The following KDM5A variants were observed in gnomAD, a reference collection of about 807,000 sequenced individuals.
KDM5A encodes lysine demethylase 5A.
KDM5A carries 42 observed loss-of-function variants against 193.5 expected under a neutral mutation model. The ratio of observed to expected loss-of-function variants is 0.22; its 90% confidence interval spans 0.17 to 0.28. The LOEUF (loss-of-function observed/expected upper bound fraction) is 0.28. Ranked by LOEUF, KDM5A falls within the 10% of genes least tolerant of loss-of-function variation. The pLI is 1.00. For missense variants in KDM5A, 1,692 were observed against 2,055.1 expected (o/e 0.82, Z 3.42); for synonymous variants, 796 against 718.1 (o/e 1.11, Z -1.73).
chr12:389,232 C>T lies in KDM5A; in HGVS notation c.-141G>A. 2 of 831,558 alleles carry T rather than the reference C, an allele frequency of 2.4e-6. No homozygotes were observed. Among genetic ancestry groups the T allele is most frequent in the Admixed American group, 3.7e-5 (2 of 54,212 alleles). The allele number at this position is 831,558 out of a possible 1,614,324, so 51.5% of individuals were successfully genotyped here. On this transcript the variant is annotated 5_prime_UTR_variant, in exon 1 of 28. Transcript: ENST00000399788. Reference sequence around the variant, plus strand: ...CAAGAACCGTTCAACACAGAAACCCCAGAATCGCTTCCTCCTCCCGTTTGT... The same window carrying T: ...CAAGAACCGTTCAACACAGAAACCCTAGAATCGCTTCCTCCTCCCGTTTGT...
intron 10 of KDM5A, among the ~76,000 whole-genome samples, chr12:341,608 T>C (rs144803690): frequency 5.9e-5 from 9 of 151,932 alleles, no homozygotes; most frequent in Non-Finnish European, 8.8e-5. Context: ...AAGGCCATAA[T>C]AGAGAAATGG....
At chr12:298,906 A>G (rs1943406750) in intron 24 of KDM5A, among the ~76,000 whole-genome samples, 1 of 151,940 alleles carries the variant, frequency 6.6e-6, no homozygotes, top group Non-Finnish European at 1.5e-5. Context: ...TGAAGCATAC[A>G]CAAGTATCAA....
intron 5 of KDM5A, among the ~76,000 whole-genome samples, chr12:360,667 A>AT (rs1338062212): frequency 2.0e-5 from 3 of 152,254 alleles, no homozygotes; most frequent in Admixed American, 2.0e-4. Flanking sequence ...ATTATAGAGT[A>AT]TAAAAACTAA....
chr12:291,206 G>A (rs1038904559), intron 27 of KDM5A, among the ~76,000 whole-genome samples: 1 of 152,090 alleles, frequency 6.6e-6, no homozygotes, highest in East Asian at 1.9e-4. Context: ...AAACGCCATA[G>A]AAAAAAATTG....
chr12:386,050 G>T (rs1944634094), intron 1 of KDM5A, 76 bp from the exon 2 acceptor site: 8 of 1,142,742 alleles, frequency 7.0e-6, no homozygotes, highest in Admixed American at 1.7e-5. Flanking sequence ...CTTAAAGGGG[G>T]GTTTTGCCAC....
intron 18 of KDM5A, among the ~76,000 whole-genome samples, chr12:318,879 G>C (rs968873035): frequency 6.6e-6 from 1 of 152,232 alleles, no homozygotes; most frequent in East Asian, 1.9e-4. Context: ...AGAATGACCA[G>C]AGTGGGGAAG....
intron 4 of KDM5A, 108 bp from the exon 5 acceptor site, chr12:363,205 A>C (rs1310895855): frequency 7.8e-7 from 1 of 1,277,586 alleles, no homozygotes; most frequent in Non-Finnish European, 1.1e-6. Flanking sequence ...ACTAGACCGC[A>C]ATTATTTCTC....
At chr12:293,599 C>T (rs12312809) in intron 26 of KDM5A, among the ~76,000 whole-genome samples, 10,699 of 151,846 alleles carry the variant, frequency 0.07, 847 homozygotes, top group East Asian at 0.35. Context: ...ACCAACATGA[C>T]GAAACCCCGA....
At position 363,008 on chromosome 12, in the gene KDM5A, T is replaced by C; in HGVS notation, c.627A>G (p.Thr209=). 6 of 1,614,198 alleles carry C rather than the reference T, an allele frequency of 3.7e-6. No individual in the cohort carries two copies. The highest frequency in any genetic ancestry group is 5.1e-6 in the Non-Finnish European group (6 of 1,180,026). ...TTCTCTTCGGCAGAATGTTCATCCT[T>C]GTGCCTGGCTCTGGGGAAGTTTGGG... ...TDTQTSPEPG[T]RMNILPKRTR... The change falls in exon 5 of 28, where the codon ACA becomes ACG. Residue 209 remains threonine (T), a synonymous_variant. Coordinates refer to ENST00000399788, the MANE Select transcript of KDM5A (RefSeq NM_001042603.3).
At chr12:379,080 G>A (rs138958676) in intron 3 of KDM5A, among the ~76,000 whole-genome samples, 20 of 151,742 alleles carry the variant, frequency 1.3e-4, no homozygotes, top group Admixed American at 5.9e-4. Flanking sequence ...ATCAAAACAG[G>A]AAACCATCAT....
At chr12:367,949 T>C (rs1217131272) in intron 3 of KDM5A, among the ~76,000 whole-genome samples, 1 of 151,838 alleles carries the variant, frequency 6.6e-6, no homozygotes, top group Non-Finnish European at 1.5e-5. Context: ...CTCAAAGAAC[T>C]GAAAGGAGGG....
At chr12:335,980 T>C (rs909747316) in intron 10 of KDM5A, among the ~76,000 whole-genome samples, 1 of 144,538 alleles carries the variant, frequency 6.9e-6, no homozygotes, top group African/African-American at 2.6e-5. Flanking sequence ...GAGGCAGAGA[T>C]TGCAGTGAGC....
At chr12:355,637 T>A (rs1017250627) in intron 6 of KDM5A, among the ~76,000 whole-genome samples, 3 of 152,202 alleles carry the variant, frequency 2.0e-5, no homozygotes, top group Non-Finnish European at 2.9e-5. Flanking sequence ...AAAAATAAAG[T>A]ACTTAATTCT....
At chr12:374,744 C>T (rs1021203229) in intron 3 of KDM5A, among the ~76,000 whole-genome samples, 3 of 152,184 alleles carry the variant, frequency 2.0e-5, no homozygotes, top group Non-Finnish European at 2.9e-5. Context: ...GTGCTTCCTT[C>T]AGGAGCTCTT....
intron 24 of KDM5A, among the ~76,000 whole-genome samples, chr12:298,463 G>GT (rs1036230188): frequency 4.6e-5 from 7 of 152,186 alleles, no homozygotes; most frequent in Admixed American, 4.6e-4. Flanking sequence ...GGGCCTGACT[G>GT]TTTGAAGGAA....
chr12:331,797 A>G (rs1384259863), intron 13 of KDM5A, 22 bp downstream of exon 13: 1 of 1,613,582 alleles, frequency 6.2e-7, no homozygotes, highest in African/African-American at 1.3e-5. Flanking sequence ...GACGTACAAC[A>G]GCCACTTGCT....
chr12:311,799 C>A (rs543968444), intron 20 of KDM5A, among the ~76,000 whole-genome samples: 13 of 151,834 alleles, frequency 8.6e-5, no homozygotes, highest in Non-Finnish European at 1.5e-4. Context: ...TTTGGAAGGC[C>A]AAGACAGGCG....
At chr12:326,473 T>A (rs1207666136) in intron 14 of KDM5A, among the ~76,000 whole-genome samples, 3 of 151,816 alleles carry the variant, frequency 2.0e-5, no homozygotes, top group Non-Finnish European at 4.4e-5. Context: ...TCAAAGAGAC[T>A]AAAAAAACAG....
chr12:308,042 G>A (rs1269387686), intron 22 of KDM5A, 37 bp from the exon 23 acceptor site: 3 of 1,578,042 alleles, frequency 1.9e-6, no homozygotes, highest in Non-Finnish European at 2.6e-6. Context: ...AAGAGTCACT[G>A]CAATATACCC....
Sources: allele counts gnomAD v4.1 joint callset (sites outside exome capture counted in the v4.1 genomes callset), GRCh38; gene constraint gnomAD v4.1.1; transcripts MANE v1.5; gene names NCBI Gene and HGNC (gene_info 2026-07-23, HGNC 2026-07-21).